Variants in NAE1 observed in about 807,000 individuals in gnomAD.
NAE1 encodes NEDD8-activating enzyme E1 regulatory subunit.
Under a neutral mutation model 88.0 loss-of-function variants are expected in NAE1, and 59 were observed. The observed-to-expected ratio is 0.67, with a 90% CI of 0.54 to 0.83. The LOEUF (loss-of-function observed/expected upper bound fraction) is 0.83. NAE1 is among the 40% of genes least tolerant of loss of function. The probability of loss-of-function intolerance (pLI) is 0.00; values close to 1 mark genes in which losing one functional copy is unlikely to be tolerated. For synonymous variants in NAE1, 186 were observed against 208.9 expected (o/e 0.89, Z 0.95); for missense variants, 554 against 632.8 (o/e 0.88, Z 1.34).
chr16:66,823,681 C>T (rs1437776977), intron 4 of NAE1, 81 bp from the exon 5 acceptor site: 2 of 1,109,398 alleles, frequency 1.8e-6, no homozygotes, highest in Non-Finnish European at 2.6e-6. Flanking sequence ...AACAGGCAAA[C>T]ATACTGTAAA....
Position 66,813,708 on chromosome 16 carries a change from A to G in NAE1, c.901-11T>C. On this transcript the variant is annotated splice_polypyrimidine_tract_variant and intron_variant, in intron 12 of 19. Transcript: ENST00000290810. ...CCAAAATGATGGAGTCTAAAAGAAT[A>G]AGAAAAAATTAACATTAAGTGGCGT... 1.9e-6 allele frequency: 3 copies of G among 1,611,062 alleles called. No homozygotes were observed. Among genetic ancestry groups the G allele is most frequent in the Non-Finnish European group, 2.5e-6 (3 of 1,178,518 alleles).
intron 10 of NAE1, 50 bp downstream of exon 10, chr16:66,816,915 G>A (rs749888569): frequency 1.9e-6 from 3 of 1,557,600 alleles, no homozygotes; most frequent in South Asian, 2.5e-5. Context: ...CCTGCCTCTA[G>A]CAATTTGCTT....
rs770822794 is a variant in NAE1, at chr16:66,818,566, G to C, written c.583C>G (p.His195Asp). 2 of 1,612,538 alleles carry C rather than the reference G, an allele frequency of 1.2e-6. No individual in the cohort carries two copies. Among genetic ancestry groups the C allele is most frequent in the African/African-American group, 2.7e-5 (2 of 74,684 alleles). Residue 195 changes from histidine (H) to aspartate (D), a missense_variant, in exon 8 of 20, where the codon CAT (histidine) becomes GAT (aspartate). Coordinates refer to ENST00000290810, the MANE Select transcript of NAE1 (RefSeq NM_003905.4). ...LDKPFPELRE[H>D]FQSYDLDHME... ...TGATCCAAATCATAGGACTGAAAAT[G>C]TTCTCTCAGTTCAGGAAATGGCTTA... is the stretch of plus-strand genomic sequence containing the variant.
chr16:66,827,811 TAGTCAG>T, intron 1 of NAE1: 1 of 600,768 alleles, frequency 1.7e-6, no homozygotes, highest in Middle Eastern at 4.3e-4. Context: ...CCTTATTATG[TAGTCAG>T]TATGTCCTCC....
Position 66,823,222 on chromosome 16 carries a change from T to C in NAE1, c.401+5A>G. ...AAATAAAAACATATTAACATAAAAA[T>C]TTACCTTTCAGGAAGCTGAGTTGCA... On this transcript the variant is annotated splice_donor_5th_base_variant and intron_variant, in intron 6 of 19. Coordinates refer to ENST00000290810, the MANE Select transcript of NAE1 (RefSeq NM_003905.4). 1 of 1,544,006 alleles carries C rather than the reference T, an allele frequency of 6.5e-7. No individual in the cohort carries two copies. Among genetic ancestry groups the C allele is most frequent in the Non-Finnish European group, 8.8e-7 (1 of 1,135,510 alleles).
chr16:66,817,380 T>G (rs1408219337), intron 9 of NAE1, 45 bp downstream of exon 9: 1 of 1,434,104 alleles, frequency 7.0e-7, no homozygotes, highest in Admixed American at 1.7e-5. Flanking sequence ...TGTAAGAAAC[T>G]GAAAATACAG....
chr16:66,811,011 C>T (rs1053372737), intron 13 of NAE1, among the ~76,000 whole-genome samples: 3 of 152,144 alleles, frequency 2.0e-5, no homozygotes, highest in African/African-American at 7.2e-5. Context: ...CAGCACCCAA[C>T]TTAAAAACTG....
At chr16:66,815,074 T>G (rs946224921) in intron 11 of NAE1, among the ~76,000 whole-genome samples, 1 of 152,160 alleles carries the variant, frequency 6.6e-6, no homozygotes, top group Non-Finnish European at 1.5e-5. Flanking sequence ...CTATGTACAA[T>G]TGTCTCTCAA....
chr16:66,813,823 T>C lies in NAE1; in HGVS notation c.864A>G (p.Ile288Met). The part of the protein sequence containing the change: ...TTQIPSSIED[I>M]FNDDRCINIT... ...TATTTATGCAGCGATCATCATTAAA[T>C]ATATCTTCAATACTGCTTGGGATCT... The change falls in exon 12 of 20, where the codon ATA (isoleucine) becomes ATG (methionine). Residue 288 changes from isoleucine (I) to methionine (M), a missense_variant. Physicochemically the swap from Ile to Met is conservative, Grantham distance 10. Coordinates refer to ENST00000290810, the MANE Select transcript of NAE1 (RefSeq NM_003905.4). The C allele has an allele frequency of 6.2e-7, 1 of 1,613,836 alleles. No individual in the cohort carries two copies. The highest frequency in any genetic ancestry group is 1.1e-5 in the South Asian group (1 of 90,984).
At chr16:66,806,485 T>G (rs1370997781) in intron 17 of NAE1, among the ~76,000 whole-genome samples, 2 of 152,076 alleles carry the variant, frequency 1.3e-5, no homozygotes, top group Non-Finnish European at 2.9e-5. Context: ...AGTGCAGTGG[T>G]GCAGTCTCGG....
intron 13 of NAE1, among the ~76,000 whole-genome samples, chr16:66,812,707 G>C (rs1363551167): frequency 1.3e-5 from 2 of 151,098 alleles, no homozygotes; most frequent in Non-Finnish European, 2.9e-5. Context: ...TTTTAGTAGA[G>C]ACAGGGTTTC....
intron 7 of NAE1, 127 bp downstream of exon 7, chr16:66,821,323 A>T: frequency 8.2e-7 from 1 of 1,223,606 alleles, no homozygotes. Flanking sequence ...TGCCACTTTG[A>T]ATCTGCAACT....
In NAE1 at chr16:66,813,753, T is replaced by A. The variant is rs1203702738; in HGVS notation, c.900+34A>T. 1.9e-6 allele frequency: 3 copies of A among 1,612,492 alleles called. No homozygotes were observed. In the Admixed American group the frequency reaches 5.0e-5, roughly 27 times the overall value. On this transcript the variant is annotated intron_variant, in intron 12 of 19. Transcript: ENST00000290810. ...TGGCGTTTTACTTTGACCCAAAGTT[T>A]TAGCAGCAATGTTTTTACTTTTGTT...
chr16:66,825,833 ACTTT>A (rs1960443381), intron 3 of NAE1, among the ~76,000 whole-genome samples: 1 of 152,180 alleles, frequency 6.6e-6, no homozygotes, highest in African/African-American at 2.4e-5. Flanking sequence ...TATTTTTATC[ACTTT>A]CTACTCTAAC....
At chr16:66,817,298 A>G (rs1650266364) in intron 9 of NAE1, 127 bp downstream of exon 9, 5 of 875,330 alleles carry the variant, frequency 5.7e-6, no homozygotes, top group Non-Finnish European at 9.0e-6. Flanking sequence ...ATTTAAAAGC[A>G]TCCATTTGCC....
At chr16:66,826,316 G>A (rs1029197023) in intron 3 of NAE1, 30 of 570,902 alleles carry the variant, frequency 5.3e-5, no homozygotes, top group African/African-American at 4.5e-4. Context: ...TAACAATAAA[G>A]ACAGTAATGA....
intron 11 of NAE1, among the ~76,000 whole-genome samples, chr16:66,814,894 C>A (rs985813909): frequency 6.6e-6 from 1 of 152,158 alleles, no homozygotes; most frequent in Non-Finnish European, 1.5e-5. Flanking sequence ...ACACTTCACT[C>A]CAATCACACT....
At position 66,824,886 on chromosome 16, in the gene NAE1, C is replaced by G; in HGVS notation, c.219-1G>C. The G allele has an allele frequency of 6.2e-7, 1 of 1,608,398 alleles. No individual in the cohort carries two copies. Among genetic ancestry groups the G allele is most frequent in the Non-Finnish European group, 8.5e-7 (1 of 1,177,184 alleles). On this transcript the variant is annotated splice_acceptor_variant, in intron 3 of 19. Transcript: ENST00000290810. LOFTEE classifies it high-confidence loss of function. ...GATACTGCTTCTTTGAAGGAAGAAA[C>G]TAAAGTGAACAGAATAAAGGAAAAA...
At chr16:66,823,006 C>G (rs527477084) in intron 6 of NAE1, among the ~76,000 whole-genome samples, 1 of 146,732 alleles carries the variant, frequency 6.8e-6, no homozygotes, top group African/African-American at 2.5e-5. Context: ...TTGGCTCACA[C>G]CTGTAATCCC....
Sources: allele counts gnomAD v4.1 joint callset (sites outside exome capture counted in the v4.1 genomes callset), GRCh38; gene constraint gnomAD v4.1.1; transcripts MANE v1.5; gene names NCBI Gene and HGNC (gene_info 2026-07-23, HGNC 2026-07-21).